The following VWA3B variants were observed in gnomAD, a reference collection of about 807,000 sequenced individuals.
VWA3B encodes the protein von Willebrand factor A domain containing 3B, also known as von Willebrand factor A domain-containing protein 3B.
VWA3B carries 138 observed loss-of-function variants against 158.3 expected under a neutral mutation model. The ratio of observed to expected loss-of-function variants is 0.87; its 90% confidence interval spans 0.76 to 1.00. The LOEUF (loss-of-function observed/expected upper bound fraction) is 1.00, where lower values mean the gene tolerates loss of function less well. VWA3B is among the 50% of genes least tolerant of loss of function. The probability of loss-of-function intolerance (pLI) is 0.00; values close to 1 mark genes in which losing one functional copy is unlikely to be tolerated. For missense variants in VWA3B, 1,555 were observed against 1,565.1 expected (o/e 0.99, Z 0.11); for synonymous variants, 596 against 587.3 (o/e 1.01, Z -0.21).
At chr2:98,237,631 G>A (rs1329036519) in intron 19 of VWA3B, among the ~76,000 whole-genome samples, 2 of 152,154 alleles carry the variant, frequency 1.3e-5, no homozygotes, top group African/African-American at 2.4e-5. Flanking sequence ...AATTCCAGTG[G>A]AACGGCATTA....
At chr2:98,093,410 T>C in intron 2 of VWA3B, 122 bp downstream of exon 2, 1 of 966,680 alleles carries the variant, frequency 1.0e-6, no homozygotes, top group Non-Finnish European at 1.5e-6. Context: ...CTTATATCCC[T>C]ATCAGTAGAA....
At chr2:98,299,682 A>G (rs979090416) in intron 24 of VWA3B, among the ~76,000 whole-genome samples, 7 of 152,210 alleles carry the variant, frequency 4.6e-5, no homozygotes, top group Non-Finnish European at 5.9e-5. Context: ...TGGAGCAACA[A>G]TAAACAAACC....
the VWA3B span, among the ~76,000 whole-genome samples, chr2:98,326,279 CT>C: frequency 6.6e-6 from 1 of 152,020 alleles, no homozygotes; most frequent in Non-Finnish European, 1.5e-5. Flanking sequence ...AAACTATTTC[CT>C]GAAAATTCAA....
At chr2:98,294,457 C>T (rs1689685255) in intron 23 of VWA3B, among the ~76,000 whole-genome samples, 2 of 152,324 alleles carry the variant, frequency 1.3e-5, no homozygotes, top group East Asian at 1.9e-4. Context: ...CCACTGTTGT[C>T]GGGATTGTGG....
intron 12 of VWA3B, among the ~76,000 whole-genome samples, chr2:98,211,341 G>T (rs998503439): frequency 6.6e-6 from 1 of 152,254 alleles, no homozygotes; most frequent in African/African-American, 2.4e-5. Flanking sequence ...ATATTAAGGA[G>T]AGTACATTCC....
intron 5 of VWA3B, among the ~76,000 whole-genome samples, chr2:98,126,379 A>G (rs1675359988): frequency 6.6e-6 from 1 of 152,102 alleles, no homozygotes; most frequent in Admixed American, 6.5e-5. Flanking sequence ...CATCTGACCA[A>G]CCCTAGAAAA....
intron 13 of VWA3B, chr2:98,216,959 C>A: frequency 7.8e-7 from 1 of 1,287,802 alleles, no homozygotes; most frequent in Non-Finnish European, 1.0e-6. Context: ...GTGGGAGAGA[C>A]TGTCATGTGT....
At chr2:98,193,188 T>C in intron 11 of VWA3B, 152 bp downstream of exon 11, 1 of 1,039,802 alleles carries the variant, frequency 9.6e-7, no homozygotes, top group East Asian at 2.5e-5. Context: ...TCAGTTCTCT[T>C]TTGCAAATAG....
At position 98,119,595 on chromosome 2, in the gene VWA3B, G is replaced by A. The variant is rs1310743907; in HGVS notation, c.374G>A (p.Trp125Ter). Reference protein sequence around the residue: ...AVESYKQRMDWLTSKSRQIFG... With the variant: ...AVESYKQRMD The stretch of plus-strand genomic sequence containing the variant: ...GAGAGCTACAAGCAGCGAATGGACT[G>A]GCTCACCAGCAAGAGCCGGCAGATT... The change falls in exon 4 of 28, where the codon TGG becomes TAG. Residue 125 changes from tryptophan (W) to a stop codon, truncating the protein, a stop_gained. Transcript: ENST00000477737. LOFTEE classifies it high-confidence loss of function. The A allele has an allele frequency of 6.2e-7, 1 of 1,614,000 alleles. No homozygotes were observed. The highest frequency in any genetic ancestry group is 8.5e-7 in the Non-Finnish European group (1 of 1,180,034).
intron 12 of VWA3B, chr2:98,207,546 A>T (rs760202591): frequency 1.9e-6 from 1 of 521,238 alleles, no homozygotes; most frequent in Non-Finnish European, 3.8e-6. Flanking sequence ...TGTCTCAGCC[A>T]TTCCAGGCTG....
intron 23 of VWA3B, among the ~76,000 whole-genome samples, chr2:98,297,245 C>A (rs1208611966): frequency 1.3e-5 from 2 of 152,100 alleles, no homozygotes; most frequent in African/African-American, 4.8e-5. Context: ...CCATGCCCAG[C>A]TAATTTTTGT....
At chr2:98,316,713 T>C (rs1691096244), downstream of VWA3B, among the ~76,000 whole-genome samples, 1 of 151,314 alleles carries the variant, frequency 6.6e-6, no homozygotes, top group South Asian at 2.1e-4. Context: ...GGTGATTAGA[T>C]CATGGGGGTG....
chr2:98,124,124 C>T (rs77280772), intron 5 of VWA3B, among the ~76,000 whole-genome samples: 17 of 152,302 alleles, frequency 1.1e-4, no homozygotes, highest in Admixed American at 1.0e-3. Context: ...AATCCATGAC[C>T]CTGGCAGTTC....
chr2:98,162,290 T>A (rs1678676177), intron 7 of VWA3B, among the ~76,000 whole-genome samples: 1 of 151,894 alleles, frequency 6.6e-6, no homozygotes. Flanking sequence ...AAGACATAAA[T>A]ATCTAAATTA....
At chr2:98,262,882 C>T (rs1687571543) in intron 21 of VWA3B, among the ~76,000 whole-genome samples, 1 of 151,856 alleles carries the variant, frequency 6.6e-6, no homozygotes, top group Admixed American at 6.6e-5. Context: ...GTAGTATGGA[C>T]ATTTTAACAA....
intron 2 of VWA3B, among the ~76,000 whole-genome samples, chr2:98,115,277 C>T (rs1674439356): frequency 6.6e-6 from 1 of 151,950 alleles, no homozygotes. Context: ...GGGAACATCA[C>T]ACACCAGGGC....
chr2:98,304,603 TGG>T (rs1304773560), intron 26 of VWA3B, among the ~76,000 whole-genome samples: 3 of 152,178 alleles, frequency 2.0e-5, no homozygotes, highest in African/African-American at 7.2e-5. Context: ...TCTGGGCTTA[TGG>T]AAGTCTCTGC....
intron 2 of VWA3B, among the ~76,000 whole-genome samples, chr2:98,103,038 T>C (rs1297965969): frequency 6.6e-5 from 10 of 152,242 alleles, no homozygotes; most frequent in Non-Finnish European, 2.9e-5. Context: ...TGGCAAAGCA[T>C]TGATCATAAT....
At chr2:98,222,567 G>A (rs775919919) in intron 14 of VWA3B, among the ~76,000 whole-genome samples, 1 of 152,190 alleles carries the variant, frequency 6.6e-6, no homozygotes, top group Non-Finnish European at 1.5e-5. Flanking sequence ...GCCCCTTGCA[G>A]AAGATTCTTT....
Sources: gnomAD v4.1 joint callset for allele counts (sites outside exome capture counted in the v4.1 genomes callset) on GRCh38, gnomAD v4.1.1 for gene constraint, MANE v1.5 for transcripts, NCBI Gene and HGNC (gene_info 2026-07-23, HGNC 2026-07-21) for gene names.